Variants in MAST2 observed in about 807,000 individuals in gnomAD.
MAST2 encodes microtubule-associated serine/threonine-protein kinase 2.
Under a neutral mutation model 147.4 loss-of-function variants are expected in MAST2, and 70 were observed. The observed-to-expected ratio is 0.47, with a 90% CI of 0.39 to 0.58. The LOEUF is 0.58. MAST2 is among the 20% of genes least tolerant of loss of function. The pLI, the probability that MAST2 is intolerant of heterozygous loss-of-function variation, is 0.00. For missense variants in MAST2, 2,080 were observed against 2,302.3 expected (o/e 0.90, Z 1.98); for synonymous variants, 869 against 896.8 (o/e 0.97, Z 0.55).
rs774470923 is a variant in MAST2, at chr1:46,027,747, A to C, written c.1936A>C (p.Met646Leu). The C allele has an allele frequency of 1.2e-6, 2 of 1,612,242 alleles. No homozygotes were observed. The highest frequency in any genetic ancestry group is 1.7e-6 in the Non-Finnish European group (2 of 1,179,486). Residue 646 changes from methionine to leucine, a missense_variant, in exon 17 of 29, where the codon ATG (methionine) becomes CTG (leucine). Met to Leu is a conservative substitution (Grantham distance 15, BLOSUM62 2). Around this residue, in one of 4 missense-constraint regions of MAST2, gnomAD observed 209 missense variants for 309.5 expected, o/e 0.68. Transcript: ENST00000361297. ...LKPDNLLITSMGHIKLTDFGL... is the reference protein window; with the variant it reads ...LKPDNLLITSLGHIKLTDFGL... ...TTCTTCCAGCCTCCTAATTACATCC[A>C]TGGGGCACATCAAGCTCACGGACTT... is the stretch of plus-strand genomic sequence containing the variant.
chr1:45,991,688 C>A (rs1644860353), intron 5 of MAST2, among the ~76,000 whole-genome samples: 1 of 152,074 alleles, frequency 6.6e-6, no homozygotes, highest in Non-Finnish European at 1.5e-5. Flanking sequence ...TATAAAGGGA[C>A]ACAATTGACT....
At chr1:45,837,927 C>T (rs982487471) in intron 3 of MAST2, among the ~76,000 whole-genome samples, 5 of 152,068 alleles carry the variant, frequency 3.3e-5, no homozygotes, top group East Asian at 1.9e-4. Context: ...TACAGGCGCA[C>T]GCCACCACGC....
intron 1 of MAST2, among the ~76,000 whole-genome samples, chr1:45,817,835 A>G (rs1016112484): frequency 6.6e-6 from 1 of 152,218 alleles, no homozygotes; most frequent in East Asian, 1.9e-4. Context: ...ATTTTAAATC[A>G]TTATAACTAG....
intron 5 of MAST2, among the ~76,000 whole-genome samples, chr1:45,975,102 AAAT>A (rs1438662967): frequency 6.6e-6 from 1 of 152,168 alleles, no homozygotes; most frequent in Non-Finnish European, 1.5e-5. Flanking sequence ...AGGGCATGTG[AAAT>A]CCAACAGCCA....
At chr1:45,884,796 C>T (rs193154586) in intron 4 of MAST2, among the ~76,000 whole-genome samples, 1 of 152,208 alleles carries the variant, frequency 6.6e-6, no homozygotes, top group Admixed American at 6.5e-5. Context: ...TAGGCTTTGC[C>T]ACTAACAAAT....
intron 15 of MAST2, among the ~76,000 whole-genome samples, chr1:46,025,259 C>T (rs981153181): frequency 2.6e-5 from 4 of 152,246 alleles, no homozygotes; most frequent in East Asian, 1.9e-4. Context: ...GCAGAGGTTG[C>T]GGTGAGCTGA....
At chr1:45,879,794 G>T (rs1319918391) in intron 3 of MAST2, among the ~76,000 whole-genome samples, 1 of 152,046 alleles carries the variant, frequency 6.6e-6, no homozygotes, top group Non-Finnish European at 1.5e-5. Context: ...CACATGAAAA[G>T]ATACTCAACA....
intron 10 of MAST2, among the ~76,000 whole-genome samples, chr1:46,016,002 G>A (rs1256109175): frequency 6.6e-6 from 1 of 152,122 alleles, no homozygotes; most frequent in Non-Finnish European, 1.5e-5. Context: ...TCATCCCTGG[G>A]ATGCAAGGCT....
At chr1:45,813,707 C>G (rs944851854) in intron 1 of MAST2, among the ~76,000 whole-genome samples, 3 of 152,060 alleles carry the variant, frequency 2.0e-5, no homozygotes, top group African/African-American at 7.2e-5. Context: ...CCATGTTGGC[C>G]AGGCTGGTCT....
chr1:46,024,004 C>T lies in MAST2; in HGVS notation c.1780+24C>T, dbSNP rs140639942. The T allele has an allele frequency of 2.1e-5, 34 of 1,608,382 alleles. No individual in the cohort carries two copies. In the Middle Eastern group the frequency reaches 5.0e-4, roughly 23 times the overall value. On this transcript the variant is annotated intron_variant, in intron 15 of 28. Transcript: ENST00000361297. The stretch of plus-strand genomic sequence containing the variant: ...AGGTACTGAGGCAAAGGTGGCCTGG[C>T]ATGGAGGCCAAGGCACAGTCTGAGA...
intron 3 of MAST2, among the ~76,000 whole-genome samples, chr1:45,850,270 C>A (rs1645581988): frequency 6.6e-6 from 1 of 152,084 alleles, no homozygotes; most frequent in East Asian, 1.9e-4. Flanking sequence ...CTGTTCATGT[C>A]TTTTGCCCAT....
intron 5 of MAST2, among the ~76,000 whole-genome samples, chr1:45,993,111 A>C (rs4660331): frequency 0.33 from 50,167 of 151,696 alleles, 8,573 homozygotes; most frequent in African/African-American, 0.41. Context: ...TAAATCCCAC[A>C]CTATTATTTA....
At chr1:45,829,917 G>GAGT (rs2147812964) in intron 3 of MAST2, among the ~76,000 whole-genome samples, 1 of 150,840 alleles carries the variant, frequency 6.6e-6, no homozygotes, top group South Asian at 2.1e-4. Flanking sequence ...ACCCAGGCTG[G>GAGT]AGTGCAATGA....
At chr1:45,886,570 T>C (rs998210365) in intron 4 of MAST2, among the ~76,000 whole-genome samples, 6 of 152,124 alleles carry the variant, frequency 3.9e-5, no homozygotes, top group African/African-American at 1.4e-4. Context: ...ATCTGGGTAT[T>C]TTTTTAATGC....
At chr1:45,877,043 A>T (rs923914407) in intron 3 of MAST2, among the ~76,000 whole-genome samples, 4 of 152,150 alleles carry the variant, frequency 2.6e-5, no homozygotes, top group African/African-American at 9.7e-5. Flanking sequence ...ACATTTTATG[A>T]GTGTCTTCGT....
chr1:45,997,779 T>G lies in MAST2; in HGVS notation c.648T>G (p.Phe216Leu). 6.2e-7 allele frequency: 1 copy of G among 1,614,194 alleles called. No individual in the cohort carries two copies. Among genetic ancestry groups the G allele is most frequent in the Non-Finnish European group, 8.5e-7 (1 of 1,180,012 alleles). Residue 216 changes from phenylalanine (F) to leucine (L), a missense_variant, in exon 6 of 29, where the codon TTT (phenylalanine) becomes TTG (leucine). Physicochemically the swap from Phe to Leu is conservative, Grantham distance 22 (BLOSUM62 0). Around this residue, in one of 4 missense-constraint regions of MAST2, gnomAD observed 569 missense variants for 642.5 expected, o/e 0.89. Coordinates refer to ENST00000361297, the MANE Select transcript of MAST2 (RefSeq NM_015112.3). ...TCTCTCCAAATGCACCTGCTCACTT[T>G]TCTTTTGTTCCTGCCCGTAGGTAAG... Reference protein sequence around the residue: ...RNFSPNAPAHFSFVPARRTDG... With the variant: ...RNFSPNAPAHLSFVPARRTDG...
chr1:45,968,826 C>T (rs932223469), intron 5 of MAST2, among the ~76,000 whole-genome samples: 1 of 149,018 alleles, frequency 6.7e-6, no homozygotes, highest in Non-Finnish European at 1.5e-5. Context: ...CTGCTGCATA[C>T]GTATCACACC....
At chr1:45,805,003 T>C (rs1167378129) in intron 1 of MAST2, among the ~76,000 whole-genome samples, 1 of 152,128 alleles carries the variant, frequency 6.6e-6, no homozygotes, top group Non-Finnish European at 1.5e-5. Context: ...AGACTTCTTA[T>C]AGGTCTCTTA....
chr1:45,909,949 TC>T (rs1408034386), intron 4 of MAST2, among the ~76,000 whole-genome samples: 1 of 152,186 alleles, frequency 6.6e-6, no homozygotes, highest in African/African-American at 2.4e-5. Flanking sequence ...GGTCTCGAGT[TC>T]CTGGGCTCAA....
Sources: allele counts gnomAD v4.1 joint callset (sites outside exome capture counted in the v4.1 genomes callset), GRCh38; gene constraint gnomAD v4.1.1; regional missense constraint gnomAD v4.1.1; transcripts MANE v1.5; gene names NCBI Gene and HGNC (gene_info 2026-07-23, HGNC 2026-07-21).